The following ACACA variants were observed in gnomAD, a reference collection of about 807,000 sequenced individuals.
ACACA encodes the protein acetyl-CoA carboxylase 1.
A neutral mutation model predicts 296.1 loss-of-function variants in ACACA; 103 were observed. That is an observed-to-expected ratio of 0.35 (90% CI 0.30 to 0.41). ACACA has a LOEUF of 0.41. ACACA is among the 10% of genes least tolerant of loss of function. ACACA has a pLI of 1.00. For synonymous variants in ACACA, 953 were observed against 1,038.6 expected (o/e 0.92, Z 1.58); for missense variants, 1,554 against 2,989.7 (o/e 0.52, Z 11.20).
intron 52 of ACACA, among the ~76,000 whole-genome samples, chr17:37,103,507 TGTGA>T (rs1212081485): frequency 2.0e-5 from 3 of 152,204 alleles, no homozygotes; most frequent in South Asian, 2.1e-4. Context: ...TGTACACGTG[TGTGA>T]GTGTGTTTAA....
intron 45 of ACACA, among the ~76,000 whole-genome samples, chr17:37,146,411 A>G (rs1180714216): frequency 1.5e-5 from 2 of 135,360 alleles, no homozygotes; most frequent in African/African-American, 2.8e-5. Flanking sequence ...AAACTGAACC[A>G]TGTTAAGTAA....
chr17:37,343,549 G>A (rs1010185552), intron 1 of ACACA, among the ~76,000 whole-genome samples: 6 of 151,834 alleles, frequency 4.0e-5, no homozygotes, highest in Non-Finnish European at 8.8e-5. Flanking sequence ...GGTGGATCAC[G>A]AGGTCAGGAG....
intron 41 of ACACA, among the ~76,000 whole-genome samples, chr17:37,173,992 A>ATTTT (rs1301237300): frequency 1.2e-4 from 1 of 8,042 alleles, no homozygotes; most frequent in African/African-American, 9.8e-4. Flanking sequence ...TTATATATAT[A>ATTTT]TATATATATA....
chr17:37,091,806 G>A (rs1039299858), intron 54 of ACACA, among the ~76,000 whole-genome samples: 1 of 151,908 alleles, frequency 6.6e-6, no homozygotes, highest in African/African-American at 2.4e-5. Flanking sequence ...GAACTCCTGG[G>A]CTCAAGCAGT....
chr17:37,161,970 G>A lies in ACACA; in HGVS notation c.5160C>T (p.Asp1720=). ...CAAAGGACCCAATTCGGTATGTGATGTCATTGCCAATAACAATGATATCTC... is the reference window on the plus strand; with the variant it reads ...CAAAGGACCCAATTCGGTATGTGATATCATTGCCAATAACAATGATATCTC... ...EGRDIIVIGN[D]ITYRIGSFGP... Residue 1720 remains aspartate, a synonymous_variant, in exon 42 of 56, where the codon GAC becomes GAT. Transcript: ENST00000616317. 1 of 1,614,120 alleles carries A rather than the reference G, an allele frequency of 6.2e-7. No homozygotes were observed. The highest frequency in any genetic ancestry group is 8.5e-7 in the Non-Finnish European group (1 of 1,179,960).
At chr17:37,299,271 A>G (rs756355988) in intron 3 of ACACA, 4 of 1,613,310 alleles carry the variant, frequency 2.5e-6, no homozygotes, top group Non-Finnish European at 3.4e-6. Flanking sequence ...GTGGTAGCCT[A>G]ACACTTACCT....
At chr17:37,356,954 T>C (rs1012566861) in intron 1 of ACACA, among the ~76,000 whole-genome samples, 1 of 152,138 alleles carries the variant, frequency 6.6e-6, no homozygotes, top group African/African-American at 2.4e-5. Context: ...TTCCTAGTCA[T>C]TGACTGCAAA....
chr17:37,339,964 C>G, intron 1 of ACACA, 114 bp from the exon 2 acceptor site: 1 of 575,358 alleles, frequency 1.7e-6, no homozygotes, highest in Admixed American at 2.8e-5. Context: ...ATCTATTTTA[C>G]TGGTCAAATC....
chr17:37,235,853 C>G (rs1019368313), intron 24 of ACACA, among the ~76,000 whole-genome samples: 1 of 152,104 alleles, frequency 6.6e-6, no homozygotes, highest in Non-Finnish European at 1.5e-5. Flanking sequence ...CTAAGGCCAC[C>G]AGGGGCAGGT....
intron 41 of ACACA, 89 bp downstream of exon 41, chr17:37,179,171 G>A: frequency 6.6e-7 from 1 of 1,506,514 alleles, no homozygotes; most frequent in Non-Finnish European, 9.2e-7. Context: ...AGACTACCAT[G>A]CTCCAGTGCT....
chr17:37,326,894 T>C (rs2047648738), intron 3 of ACACA, among the ~76,000 whole-genome samples: 1 of 151,646 alleles, frequency 6.6e-6, no homozygotes, highest in Non-Finnish European at 1.5e-5. Context: ...CTCTAGAAAA[T>C]ACATGAGGCA....
Position 37,103,857 on chromosome 17 carries a change from C to T in ACACA, c.6566-5873G>A, listed in dbSNP as rs959320291. On this transcript the variant is annotated intron_variant, in intron 52 of 55. Transcript: ENST00000616317. ...TTCAATACCAGCCTGGGCAACAGAG[C>T]GAGACCCTGTCTTTCCTCCTGCATG... Among the ~76,000 whole-genome samples the T allele has an allele frequency of 6.6e-5, 10 of 152,118 alleles. No homozygotes were observed. In the East Asian group the frequency reaches 9.7e-4, roughly 15 times the overall value.
At chr17:37,229,928 G>A (rs563830096) in intron 25 of ACACA, among the ~76,000 whole-genome samples, 20 of 151,916 alleles carry the variant, frequency 1.3e-4, no homozygotes, top group Middle Eastern at 3.4e-3. Flanking sequence ...TTAGCTGGGC[G>A]TGGTGGCGCA....
At chr17:37,377,129 T>A (rs2050036671) in intron 1 of ACACA, among the ~76,000 whole-genome samples, 1 of 152,128 alleles carries the variant, frequency 6.6e-6, no homozygotes, top group South Asian at 2.1e-4. Context: ...CCTATAGAGA[T>A]ACCAAGGTCA....
chr17:37,363,802 A>G (rs924396677), intron 1 of ACACA, among the ~76,000 whole-genome samples: 1 of 151,658 alleles, frequency 6.6e-6, no homozygotes, highest in Non-Finnish European at 1.5e-5. Context: ...CCTGGCCAAC[A>G]TAGTGAAACC....
At chr17:37,358,599 G>A (rs1182718024) in intron 1 of ACACA, among the ~76,000 whole-genome samples, 1 of 152,128 alleles carries the variant, frequency 6.6e-6, no homozygotes, top group Admixed American at 6.6e-5. Flanking sequence ...CTTCCCACGT[G>A]GTCTTCTCCC....
intron 16 of ACACA, among the ~76,000 whole-genome samples, chr17:37,250,829 T>G (rs2080953743): frequency 6.6e-6 from 1 of 151,780 alleles, no homozygotes; most frequent in African/African-American, 2.4e-5. Context: ...ATTGAGACCA[T>G]CCTGGCTAAC....
At chr17:37,303,446 T>C (rs182428536) in intron 3 of ACACA, among the ~76,000 whole-genome samples, 256 of 152,366 alleles carry the variant, frequency 1.7e-3, no homozygotes, top group African/African-American at 6.0e-3. Context: ...AATAATGTTA[T>C]GAACATTCAT....
chr17:37,283,193 T>C, intron 5 of ACACA, 74 bp downstream of exon 5: 2 of 1,572,528 alleles, frequency 1.3e-6, no homozygotes, highest in Admixed American at 3.4e-5. Context: ...TAAGTTAACA[T>C]TCTCCTACTT....
Sources: allele counts gnomAD v4.1 joint callset (sites outside exome capture counted in the v4.1 genomes callset), GRCh38; gene constraint gnomAD v4.1.1; transcripts MANE v1.5; gene names NCBI Gene and HGNC (gene_info 2026-07-23, HGNC 2026-07-21).